Variants in TRIM71 observed in about 807,000 individuals in gnomAD.
TRIM71 encodes the protein E3 ubiquitin-protein ligase TRIM71.
TRIM71 carries 9 observed loss-of-function variants against 61.2 expected under a neutral mutation model. The observed-to-expected ratio is 0.15, with a 90% CI of 0.09 to 0.26. TRIM71 has a LOEUF of 0.26. Among genes scored for constraint, TRIM71 ranks in the 10% least tolerant of loss-of-function variants. TRIM71 has a pLI of 1.00. For synonymous variants in TRIM71, 645 were observed against 553.2 expected (o/e 1.17, Z -2.33); for missense variants, 998 against 1,238.7 (o/e 0.81, Z 2.92).
intron 1 of TRIM71, among the ~76,000 whole-genome samples, chr3:32,859,266 C>G (rs1267159347): frequency 6.6e-6 from 1 of 152,072 alleles, no homozygotes; most frequent in Non-Finnish European, 1.5e-5. Flanking sequence ...TTAGGGTTTT[C>G]TTTTTTCTTT....
At chr3:32,874,423 T>C (rs975653554) in intron 2 of TRIM71, among the ~76,000 whole-genome samples, 1 of 152,008 alleles carries the variant, frequency 6.6e-6, no homozygotes, top group Non-Finnish European at 1.5e-5. Context: ...AGTGCAGTTG[T>C]GTGATCTCGG....
In TRIM71 at chr3:32,818,159, T is replaced by G; in HGVS notation, c.79T>G (p.Ser27Ala). 3 of 1,606,372 alleles carry G rather than the reference T, an allele frequency of 1.9e-6. No individual in the cohort carries two copies. Among genetic ancestry groups the G allele is most frequent in the Non-Finnish European group, 2.5e-6 (3 of 1,176,772 alleles). ...EMCGSPAPLS[S>A]NSSASSSSSQ... ...GTGCGGCTCGCCGGCGCCGCTCTCC[T>G]CCAACTCGTCCGCGTCGTCGTCCTC... Residue 27 changes from serine to alanine, a missense_variant, in exon 1 of 4, where the codon TCC (serine) becomes GCC (alanine). By Grantham distance (99) the Ser-to-Ala change is moderately conservative (BLOSUM62 1). Coordinates refer to ENST00000383763, the MANE Select transcript of TRIM71 (RefSeq NM_001039111.3).
At position 32,868,022 on chromosome 3, in the gene TRIM71, C is replaced by T. The variant is rs543155766; in HGVS notation, c.853-5796C>T. 7.5e-4 allele frequency among the ~76,000 whole-genome samples: 114 copies of T among 152,186 alleles called. 1 individual carries two copies. The highest frequency in any genetic ancestry group is 1.5e-3 in the Non-Finnish European group (101 of 68,018). ...GCCCCGCTTAATCTTATTTAACAGA[C>T]GCTGCTGAGACTGCCAGAACGCAAC... On this transcript the variant is annotated intron_variant, in intron 1 of 3. Transcript: ENST00000383763.
chr3:32,856,713 G>C (rs4909018), intron 1 of TRIM71, among the ~76,000 whole-genome samples: 3 of 151,942 alleles, frequency 2.0e-5, no homozygotes, highest in Non-Finnish European at 4.4e-5. Context: ...TCTTTTCAAC[G>C]AGCAAACAAA....
chr3:32,886,185 G>A (rs986932698), intron 3 of TRIM71, 117 bp downstream of exon 3: 10 of 1,307,378 alleles, frequency 7.6e-6, no homozygotes, highest in South Asian at 6.4e-5. Flanking sequence ...AAAACACTTC[G>A]TAATTTTCCA....
At chr3:32,853,946 A>AC (rs1272748115) in intron 1 of TRIM71, among the ~76,000 whole-genome samples, 2 of 152,002 alleles carry the variant, frequency 1.3e-5, no homozygotes, top group Admixed American at 6.6e-5. Flanking sequence ...GGGGGTTGCA[A>AC]TGAGCTGAGA....
intron 1 of TRIM71, among the ~76,000 whole-genome samples, chr3:32,860,577 A>G (rs1696656254): frequency 6.6e-6 from 1 of 152,186 alleles, no homozygotes; most frequent in Non-Finnish European, 1.5e-5. Flanking sequence ...GATGGTTGGT[A>G]AGAGAAGATC....
At chr3:32,849,749 G>A (rs930267365) in intron 1 of TRIM71, among the ~76,000 whole-genome samples, 2 of 152,132 alleles carry the variant, frequency 1.3e-5, no homozygotes, top group African/African-American at 4.8e-5. Context: ...TGTCCGGTGG[G>A]GTAAGAGTTG....
intron 1 of TRIM71, among the ~76,000 whole-genome samples, chr3:32,832,115 T>C (rs890237453): frequency 6.6e-6 from 1 of 152,190 alleles, no homozygotes; most frequent in Non-Finnish European, 1.5e-5. Context: ...GGGGATTCTC[T>C]ACTTCCCTAT....
At chr3:32,829,652 T>TGTG (rs1575341635) in intron 1 of TRIM71, among the ~76,000 whole-genome samples, 3 of 81,808 alleles carry the variant, frequency 3.7e-5, no homozygotes, top group Non-Finnish European at 6.0e-5. Flanking sequence ...GTGTGTGTGT[T>TGTG]TGTGTGTGCG....
chr3:32,841,205 A>C (rs1575345545), intron 1 of TRIM71, among the ~76,000 whole-genome samples: 1 of 152,174 alleles, frequency 6.6e-6, no homozygotes, highest in Non-Finnish European at 1.5e-5. Context: ...AGATCGCGCC[A>C]CTGCACTCCA....
rs535715508 is a variant in TRIM71, at chr3:32,855,297, A to AGT, written c.853-18519_853-18518dup. ...AAGTTAAGTCGGGTAAGGGGGTGGA[A>AGT]GTGAGGGGTACCAGTGTTGTGTTTA... On this transcript the variant is annotated intron_variant, in intron 1 of 3. Coordinates refer to ENST00000383763, the MANE Select transcript of TRIM71 (RefSeq NM_001039111.3). Among the ~76,000 whole-genome samples, 25 of 150,656 alleles carry AGT rather than the reference A, an allele frequency of 1.7e-4. 1 individual carries two copies. In the South Asian group the frequency reaches 4.9e-3, roughly 29 times the overall value.
At chr3:32,838,038 G>A (rs1252311635) in intron 1 of TRIM71, among the ~76,000 whole-genome samples, 1 of 152,140 alleles carries the variant, frequency 6.6e-6, no homozygotes, top group African/African-American at 2.4e-5. Flanking sequence ...TTTTCATTGA[G>A]CATCTGCCAT....
intron 1 of TRIM71, 135 bp downstream of exon 1, chr3:32,819,067 A>T: frequency 1.0e-6 from 1 of 959,578 alleles, no homozygotes; most frequent in Non-Finnish European, 1.6e-6. Context: ...GCTACGTGGC[A>T]GTCCTTGCTA....
In TRIM71 at chr3:32,887,481, C is replaced by CTTT. The variant is rs10615630; in HGVS notation, c.1155+1432_1155+1434dup. ...CCCTCTCTCTTTGACTAATTACTGA[C>CTTT]TTTTTTTTTTTTTTTTTTTTTCTGT... On this transcript the variant is annotated intron_variant, in intron 3 of 3. Transcript: ENST00000383763. Among the ~76,000 whole-genome samples, 760 of 109,980 alleles carry CTTT rather than the reference C, an allele frequency of 6.9e-3. 15 individuals are homozygous for CTTT. Among genetic ancestry groups the CTTT allele is most frequent in the African/African-American group, 0.024 (672 of 27,912 alleles). The allele number at this position is 109,980 out of a possible 152,430, so 72.2% of individuals were successfully genotyped here.
At chr3:32,871,882 G>A (rs1171564851) in intron 1 of TRIM71, among the ~76,000 whole-genome samples, 1 of 152,196 alleles carries the variant, frequency 6.6e-6, no homozygotes, top group Non-Finnish European at 1.5e-5. Flanking sequence ...GTTGGCTCAC[G>A]CCTGTAATCC....
In TRIM71 at chr3:32,843,045, G is replaced by A. The variant is rs184998567; in HGVS notation, c.852+24113G>A. On this transcript the variant is annotated intron_variant, in intron 1 of 3. Coordinates refer to ENST00000383763, the MANE Select transcript of TRIM71 (RefSeq NM_001039111.3). ...GGGTGGGACTATTTATAGGATTATC[G>A]GGGTGTTGGCCACAGCCCCTCCAGC... Among the ~76,000 whole-genome samples, 535 of 152,156 alleles carry A rather than the reference G, an allele frequency of 3.5e-3. 1 individual carries two copies. The highest frequency in any genetic ancestry group is 3.0e-3 in the Non-Finnish European group (203 of 68,002).
intron 1 of TRIM71, among the ~76,000 whole-genome samples, chr3:32,848,647 A>G (rs554557305): frequency 2.6e-5 from 4 of 152,172 alleles, no homozygotes; most frequent in Admixed American, 1.3e-4. Flanking sequence ...TCCTGAGGTT[A>G]TTTTTCCCTT....
rs1295892940 is a variant in TRIM71 at position 32,818,155 on chromosome 3, C to G, written c.75C>G (p.Leu25=). 10 of 1,607,338 alleles carry G rather than the reference C, an allele frequency of 6.2e-6. No individual in the cohort carries two copies. The highest frequency in any genetic ancestry group is 8.5e-6 in the Non-Finnish European group (10 of 1,177,162). Residue 25 remains leucine (L), a synonymous_variant, in exon 1 of 4, where the codon CTC becomes CTG. Transcript: ENST00000383763. ...CKEMCGSPAP[L]SSNSSASSSS... Reference sequence around the variant, plus strand: ...AGATGTGCGGCTCGCCGGCGCCGCTCTCCTCCAACTCGTCCGCGTCGTCGT... The same window carrying G: ...AGATGTGCGGCTCGCCGGCGCCGCTGTCCTCCAACTCGTCCGCGTCGTCGT...
Sources: gnomAD v4.1 joint callset for allele counts (sites outside exome capture counted in the v4.1 genomes callset) on GRCh38, gnomAD v4.1.1 for gene constraint, MANE v1.5 for transcripts, NCBI Gene and HGNC (gene_info 2026-07-23, HGNC 2026-07-21) for gene names.